TOM1: variants seen among roughly 807,000 people sequenced by gnomAD.
The protein encoded by TOM1 is target of Myb protein 1.
TOM1 carries 38 observed loss-of-function variants against 61.3 expected under a neutral mutation model. The observed-to-expected ratio is 0.62, with a 90% CI of 0.48 to 0.81. TOM1 has a LOEUF of 0.81. TOM1 is among the 40% of genes least tolerant of loss of function. The probability of loss-of-function intolerance (pLI) is 0.00; values close to 1 mark genes in which losing one functional copy is unlikely to be tolerated. For missense variants in TOM1, 591 were observed against 659.6 expected (o/e 0.90, Z 1.14); for synonymous variants, 270 against 268.8 (o/e 1.00, Z -0.04).
chr22:35,330,958 T>C (rs1928788984), intron 8 of TOM1, among the ~76,000 whole-genome samples: 1 of 152,164 alleles, frequency 6.6e-6, no homozygotes, highest in South Asian at 2.1e-4. Flanking sequence ...AACTGATGTC[T>C]CCCAACAGAA....
chr22:35,347,025 G>A, intron 14 of TOM1, 30 bp from the exon 15 acceptor site: 1 of 1,608,630 alleles, frequency 6.2e-7, no homozygotes, highest in South Asian at 1.1e-5. Context: ...TGGCCTCAGG[G>A]CCTACCCTCA....
At chr22:35,327,175 C>A in intron 6 of TOM1, 96 bp from the exon 7 acceptor site, 1 of 1,199,712 alleles carries the variant, frequency 8.3e-7, no homozygotes, top group Non-Finnish European at 1.2e-6. Flanking sequence ...CTCCCTGGTG[C>A]TGCACCCAGG....
chr22:35,341,524 G>A (rs1484700060), intron 12 of TOM1, among the ~76,000 whole-genome samples: 13 of 152,090 alleles, frequency 8.5e-5, no homozygotes, highest in East Asian at 1.9e-4. Context: ...GGGATTCATC[G>A]GAACCAACAC....
At chr22:35,338,628 T>G in intron 11 of TOM1, 85 bp from the exon 12 acceptor site, 1 of 1,130,836 alleles carries the variant, frequency 8.8e-7, no homozygotes, top group Non-Finnish European at 1.2e-6. Flanking sequence ...ATGGGAGCCG[T>G]CAATCTGTGC....
intron 12 of TOM1, among the ~76,000 whole-genome samples, chr22:35,343,768 TACAC>T (rs1264439066): frequency 1.4e-5 from 1 of 71,650 alleles, no homozygotes; most frequent in East Asian, 8.6e-4. Flanking sequence ...CACCTACACA[TACAC>T]ACCTACACAC....
At chr22:35,332,397 T>C (rs1345840426) in intron 8 of TOM1, among the ~76,000 whole-genome samples, 1 of 152,120 alleles carries the variant, frequency 6.6e-6, no homozygotes, top group African/African-American at 2.4e-5. Context: ...TGCCTACAGA[T>C]ACTAGACAAG....
At chr22:35,345,521 G>T in intron 12 of TOM1, 2 of 607,562 alleles carry the variant, frequency 3.3e-6, no homozygotes. Context: ...GCTGCTGGGA[G>T]CCTGGTCCCC....
intron 7 of TOM1, among the ~76,000 whole-genome samples, chr22:35,327,746 A>G (rs117631997): frequency 0.015 from 2,299 of 152,230 alleles, 21 homozygotes; most frequent in Non-Finnish European, 0.022. Context: ...CCTGAGAAAA[A>G]GCTGGAAGGT....
At chr22:35,330,288 A>G in intron 7 of TOM1, 59 bp from the exon 8 acceptor site, 1 of 1,530,072 alleles carries the variant, frequency 6.5e-7, no homozygotes, top group South Asian at 1.2e-5. Context: ...CAAAAAAAAA[A>G]AGAGACGGCC....
chr22:35,311,353 A>C (rs781266807), intron 1 of TOM1, among the ~76,000 whole-genome samples: 26 of 152,230 alleles, frequency 1.7e-4, no homozygotes, highest in Non-Finnish European at 3.5e-4. Flanking sequence ...AAACCACCAC[A>C]ACAACGCACT....
chr22:35,331,557 G>T (rs575738966), intron 8 of TOM1: 8 of 320,064 alleles, frequency 2.5e-5, no homozygotes, highest in Non-Finnish European at 5.0e-5. Flanking sequence ...GGGAGGAGCA[G>T]TTCCTCTAAA....
chr22:35,320,598 C>G (rs936490728), intron 2 of TOM1, among the ~76,000 whole-genome samples: 3 of 152,140 alleles, frequency 2.0e-5, no homozygotes, highest in African/African-American at 7.2e-5. Flanking sequence ...CCACTCCCCC[C>G]AGGTGGTCCT....
At chr22:35,344,781 G>A (rs1930362627) in intron 12 of TOM1, 1 of 152,212 alleles carries the variant, frequency 6.6e-6, no homozygotes, top group African/African-American at 2.4e-5. Flanking sequence ...TAGTAAATAG[G>A]AACTGGCCTA....
chr22:35,326,818 G>A (rs988849720), intron 6 of TOM1, among the ~76,000 whole-genome samples: 5 of 151,722 alleles, frequency 3.3e-5, no homozygotes, highest in Admixed American at 6.6e-5. Flanking sequence ...AGGAGAGAGA[G>A]GGGGGGATCC....
At chr22:35,299,832 T>A, upstream of TOM1, 67 of 1,385,918 alleles carry the variant, frequency 4.8e-5, no homozygotes, top group African/African-American at 1.2e-4. Flanking sequence ...CGCCCACGCC[T>A]CCTCGCCGGC....
Position 35,323,610 on chromosome 22 carries a change from C to G in TOM1, c.481C>G (p.Pro161Ala). 1 of 1,614,098 alleles carries G rather than the reference C, an allele frequency of 6.2e-7. No individual in the cohort carries two copies. The change falls in exon 5 of 15, where the codon CCC becomes GCC. Residue 161 changes from proline (P) to alanine (A), a missense_variant. Transcript: ENST00000449058. This position sits in a 1 kb window ranked among gnomAD's most constrained non-coding sequence, Gnocchi z 4.2. ...CATGACTGACCTGGACATGCTGTCACCCATCCACACACCCCAGAGGGTGAG... is the reference window on the plus strand; with the variant it reads ...CATGACTGACCTGGACATGCTGTCAGCCATCCACACACCCCAGAGGGTGAG... ...FPMTDLDMLS[P>A]IHTPQRTVFN...
chr22:35,305,510 A>T (rs1282123507), intron 1 of TOM1, among the ~76,000 whole-genome samples: 1 of 152,124 alleles, frequency 6.6e-6, no homozygotes, highest in Admixed American at 6.5e-5. Context: ...AAATACAAAA[A>T]TTAGCTGGAC....
At chr22:35,343,714 C>CCA (rs201859071) in intron 12 of TOM1, among the ~76,000 whole-genome samples, 5 of 145,530 alleles carry the variant, frequency 3.4e-5, no homozygotes, top group African/African-American at 1.0e-4. Context: ...TACACACACA[C>CCA]CACACACACA....
chr22:35,320,751 G>A (rs1377415947), intron 2 of TOM1, among the ~76,000 whole-genome samples: 1 of 152,058 alleles, frequency 6.6e-6, no homozygotes, highest in African/African-American at 2.4e-5. Flanking sequence ...GAGGAGGCAG[G>A]GCCATATGGT....
Sources: gnomAD v4.1 joint callset for allele counts (sites outside exome capture counted in the v4.1 genomes callset) on GRCh38, gnomAD v4.1.1 for gene constraint, Gnocchi (gnomAD v3.1) non-coding constraint, MANE v1.5 for transcripts, NCBI Gene and HGNC (gene_info 2026-07-23, HGNC 2026-07-21) for gene names.